The following TES variants were observed in gnomAD, a reference collection of about 807,000 sequenced individuals.
TES encodes the protein testin LIM domain protein, also known as testin.
A neutral mutation model predicts 48.2 loss-of-function variants in TES; 41 were observed. The observed-to-expected ratio is 0.85, with a 90% CI of 0.66 to 1.10. The LOEUF is 1.10. Ranked by LOEUF, TES falls within the 50% of genes least tolerant of loss-of-function variation. TES has a pLI of 0.00. For synonymous variants in TES, 162 were observed against 174.9 expected (o/e 0.93, Z 0.58); for missense variants, 463 against 515.1 (o/e 0.90, Z 0.98).
At chr7:116,212,098 T>TTTCTCTG (rs1222657534) in intron 1 of TES, among the ~76,000 whole-genome samples, 2 of 152,224 alleles carry the variant, frequency 1.3e-5, no homozygotes, top group Non-Finnish European at 2.9e-5. Flanking sequence ...TTTTGCCCGC[T>TTTCTCTG]TAGCTTTCTG....
chr7:116,241,104 C>T (rs1425663589), intron 2 of TES, among the ~76,000 whole-genome samples: 6 of 152,170 alleles, frequency 3.9e-5, no homozygotes, highest in African/African-American at 9.7e-5. Context: ...ATTCTCAGGC[C>T]GCTCTTGGAT....
chr7:116,257,487 A>C lies in TES; in HGVS notation c.*5A>C. The C allele has an allele frequency of 6.3e-7, 1 of 1,598,034 alleles. No individual in the cohort carries two copies. The highest frequency in any genetic ancestry group is 8.5e-7 in the Non-Finnish European group (1 of 1,171,480). On this transcript the variant is annotated 3_prime_UTR_variant, in exon 7 of 7. Transcript: ENST00000358204. Reference sequence around the variant, plus strand: ...TGTAAGAAGAGGATGTCTTAGGAGGAGGGCACCCAGAAGTATCGAGCCATA... The same window carrying C: ...TGTAAGAAGAGGATGTCTTAGGAGGCGGGCACCCAGAAGTATCGAGCCATA...
At chr7:116,239,854 C>G (rs1446883067) in intron 2 of TES, among the ~76,000 whole-genome samples, 1 of 151,964 alleles carries the variant, frequency 6.6e-6, no homozygotes, top group Non-Finnish European at 1.5e-5. Flanking sequence ...ATGTATGACA[C>G]AGACCCAAGG....
chr7:116,221,763 A>T (rs555987998), intron 1 of TES, among the ~76,000 whole-genome samples: 2 of 152,314 alleles, frequency 1.3e-5, no homozygotes, highest in South Asian at 4.1e-4. Flanking sequence ...TTTCTGCTCT[A>T]GACGAATCTG....
At chr7:116,247,084 A>G (rs987888765) in intron 2 of TES, among the ~76,000 whole-genome samples, 5 of 151,950 alleles carry the variant, frequency 3.3e-5, no homozygotes, top group African/African-American at 1.2e-4. Context: ...ATTGTCCTTG[A>G]ACTATAAGAA....
At chr7:116,222,175 T>A (rs376490372) in intron 1 of TES, among the ~76,000 whole-genome samples, 10 of 152,310 alleles carry the variant, frequency 6.6e-5, no homozygotes, top group African/African-American at 2.4e-4. Flanking sequence ...ATCTCTCCCT[T>A]CCTTTCCTGG....
At chr7:116,215,761 C>T (rs373616804) in intron 1 of TES, among the ~76,000 whole-genome samples, 1 of 152,122 alleles carries the variant, frequency 6.6e-6, no homozygotes, top group African/African-American at 2.4e-5. Flanking sequence ...GTGTTGAGCT[C>T]TGCAGTTGAG....
intron 6 of TES, among the ~76,000 whole-genome samples, chr7:116,253,865 G>GGT (rs1010614961): frequency 1.3e-4 from 19 of 151,192 alleles, no homozygotes; most frequent in South Asian, 2.1e-4. Flanking sequence ...GGTGTGTGGG[G>GGT]GTGTGTGTGT....
Position 116,250,439 on chromosome 7 carries a change from C to T in TES, c.645C>T (p.Thr215=), listed in dbSNP as rs751569919. ...ACATTCCTGGAGGGGATAGAAGCAC[C>T]CCAGCAGCAGTGGGGGCCATGGAGG... ...QMNIPGGDRS[T]PAAVGAMEDK... is the part of the protein sequence containing the mutation. The change falls in exon 4 of 7, where the codon ACC becomes ACT. Residue 215 remains threonine (T), a synonymous_variant. Transcript: ENST00000358204. The T allele has an allele frequency of 3.1e-6, 5 of 1,600,548 alleles. No homozygotes were observed. Among genetic ancestry groups the T allele is most frequent in the Non-Finnish European group, 3.4e-6 (4 of 1,174,050 alleles).
chr7:116,226,425 GAGA>G (rs775797783), intron 1 of TES, among the ~76,000 whole-genome samples: 4 of 152,102 alleles, frequency 2.6e-5, no homozygotes, highest in Non-Finnish European at 4.4e-5. Flanking sequence ...TTGGCAGATG[GAGA>G]AGAAGAGGAG....
intron 6 of TES, among the ~76,000 whole-genome samples, chr7:116,254,754 ATATATGTGTGTGTGTG>A (rs1800071338): frequency 2.5e-5 from 3 of 119,248 alleles, no homozygotes; most frequent in South Asian, 2.7e-4. Context: ...AAAAATATAT[ATATATGTGTGTGTGTG>A]TGTGTGTGTG....
chr7:116,241,696 C>G (rs1799851226), intron 2 of TES, among the ~76,000 whole-genome samples: 1 of 144,078 alleles, frequency 6.9e-6, no homozygotes. Context: ...TTAGGTATTT[C>G]TTTTTTCTTA....
intron 1 of TES, among the ~76,000 whole-genome samples, chr7:116,227,760 C>A (rs1033604070): frequency 1.3e-5 from 2 of 152,000 alleles, no homozygotes; most frequent in African/African-American, 4.8e-5. Context: ...ACTGAGAAAG[C>A]GGGAGTGGGA....
intron 1 of TES, among the ~76,000 whole-genome samples, chr7:116,233,724 A>C (rs1371952987): frequency 2.0e-5 from 3 of 152,180 alleles, no homozygotes; most frequent in African/African-American, 7.2e-5. Context: ...GTAATTTATA[A>C]ATAATAGAAA....
chr7:116,219,954 G>A (rs1045379443), intron 1 of TES, among the ~76,000 whole-genome samples: 1 of 151,800 alleles, frequency 6.6e-6, no homozygotes, highest in Non-Finnish European at 1.5e-5. Context: ...TTTTAATCTG[G>A]TCACTCTTCT....
At chr7:116,232,457 C>T (rs1474375845) in intron 1 of TES, among the ~76,000 whole-genome samples, 2 of 152,120 alleles carry the variant, frequency 1.3e-5, no homozygotes, top group Non-Finnish European at 2.9e-5. Context: ...GTTTATTTAG[C>T]AGGAGATGCA....
At chr7:116,222,943 A>G (rs1034065121) in intron 1 of TES, 1 of 983,600 alleles carries the variant, frequency 1.0e-6, no homozygotes, top group Non-Finnish European at 1.2e-6. Flanking sequence ...TGACATTTTT[A>G]TAGCCCTACA....
chr7:116,245,747 A>AG (rs1207351487), intron 2 of TES, among the ~76,000 whole-genome samples: 8 of 152,188 alleles, frequency 5.3e-5, no homozygotes, highest in Non-Finnish European at 1.2e-4. Context: ...GTGCTAATAA[A>AG]GACATACCTG....
At chr7:116,247,500 T>G (rs2116621305) in intron 2 of TES, among the ~76,000 whole-genome samples, 1 of 152,302 alleles carries the variant, frequency 6.6e-6, no homozygotes, top group East Asian at 1.9e-4. Flanking sequence ...AAGTGTGCAC[T>G]TTTTAATCAG....
Sources: gnomAD v4.1 joint callset for allele counts (sites outside exome capture counted in the v4.1 genomes callset) on GRCh38, gnomAD v4.1.1 for gene constraint, MANE v1.5 for transcripts, NCBI Gene and HGNC (gene_info 2026-07-23, HGNC 2026-07-21) for gene names.